The following MYO16 variants were observed in gnomAD, a reference collection of about 807,000 sequenced individuals.
MYO16 encodes the protein myosin XVI.
A neutral mutation model predicts 205.3 loss-of-function variants in MYO16; 94 were observed. The observed-to-expected ratio is 0.46, with a 90% CI of 0.39 to 0.54. MYO16 has a LOEUF of 0.54. MYO16 is among the 20% of genes least tolerant of loss of function. The pLI is 0.00. For synonymous variants in MYO16, 988 were observed against 954.0 expected, an observed-to-expected ratio of 1.04 and a Z score of -0.66; for missense variants, 2,315 against 2,387.5, an observed-to-expected ratio of 0.97 and a Z score of 0.63.
chr13:108,594,762 G>A (rs757652948), upstream of MYO16, among the ~76,000 whole-genome samples: 1 of 152,310 alleles, frequency 6.6e-6, no homozygotes, highest in Admixed American at 6.5e-5. Flanking sequence ...GTTGCTGAGC[G>A]AATGACAGGT....
In MYO16 at chr13:109,055,409, T is replaced by C. The variant is rs1001483714; in HGVS notation, c.3149T>C (p.Ile1050Thr). ...CCTTAGAAATCACTAATGGATATTA[T>C]TGGAAAACTTCAGAAGTGCACTCCA... ...SQLRKSLMDI[I>T]GKLQKCTPHF... The change falls in exon 27 of 35, where the codon ATT becomes ACT. Residue 1050 changes from isoleucine to threonine, a missense_variant. By Grantham distance (89) the Ile-to-Thr change is moderately conservative. Coordinates refer to ENST00000457511, the MANE Select transcript of MYO16 (RefSeq NM_001198950.3). This position sits in a 1 kb window ranked among gnomAD's most constrained non-coding sequence, Gnocchi z 5.0. The C allele has an allele frequency of 9.9e-6, 16 of 1,611,880 alleles. No individual in the cohort carries two copies. The African/African-American group carries it at 1.3e-4, about 13-fold the overall frequency.
intron 4 of MYO16, among the ~76,000 whole-genome samples, chr13:108,755,844 G>A (rs1885406600): frequency 6.6e-6 from 1 of 152,092 alleles, no homozygotes; most frequent in African/African-American, 2.4e-5. Context: ...AAAGTGCTAT[G>A]GGATAAAAAC....
chr13:108,999,611 G>A (rs2139457410), intron 21 of MYO16, among the ~76,000 whole-genome samples: 1 of 152,154 alleles, frequency 6.6e-6, no homozygotes, highest in East Asian at 1.9e-4. Context: ...CTGTTTTGGG[G>A]AAATAAAATG....
chr13:108,788,357 A>T (rs199564358), intron 5 of MYO16, among the ~76,000 whole-genome samples: 1 of 152,088 alleles, frequency 6.6e-6, no homozygotes, highest in East Asian at 1.9e-4. Context: ...GAGCTGATGG[A>T]GCATTTGATG....
At chr13:108,669,010 G>T (rs1202403336) in intron 2 of MYO16, among the ~76,000 whole-genome samples, 1 of 152,044 alleles carries the variant, frequency 6.6e-6, no homozygotes, top group African/African-American at 2.4e-5. Context: ...ATGAGATGGG[G>T]TGGCATCCTG....
At chr13:108,751,412 A>G (rs1341958994) in intron 4 of MYO16, among the ~76,000 whole-genome samples, 1 of 152,228 alleles carries the variant, frequency 6.6e-6, no homozygotes, top group Non-Finnish European at 1.5e-5. Context: ...GTATTGGATT[A>G]TTACTTAAAT....
chr13:108,619,530 CA>C (rs769488637), intron 1 of MYO16, among the ~76,000 whole-genome samples: 1 of 152,034 alleles, frequency 6.6e-6, no homozygotes, highest in Non-Finnish European at 1.5e-5. Context: ...AAGTAAACAT[CA>C]ATGTAGCAGC....
chr13:108,962,534 A>G (rs1475449466), intron 19 of MYO16, 39 bp downstream of exon 19: 1 of 1,378,638 alleles, frequency 7.3e-7, no homozygotes, highest in Non-Finnish European at 1.0e-6. Context: ...TGCAATTTAG[A>G]ATCAAATATG....
intron 27 of MYO16, chr13:109,065,438 A>C: frequency 2.6e-6 from 1 of 390,322 alleles, no homozygotes; most frequent in East Asian, 7.4e-5. Context: ...CGATATGTAT[A>C]TGTTAGTTTA....
intron 1 of MYO16, among the ~76,000 whole-genome samples, chr13:108,605,032 G>T (rs1878900614): frequency 6.6e-6 from 1 of 152,194 alleles, no homozygotes. Context: ...ATTATCAGTG[G>T]AGTGTTCTGT....
chr13:108,815,448 T>A (rs1307697462), intron 7 of MYO16, among the ~76,000 whole-genome samples: 1 of 152,120 alleles, frequency 6.6e-6, no homozygotes, highest in Admixed American at 6.6e-5. Context: ...AGTGTGACTG[T>A]GGAAAAATGG....
intron 1 of MYO16, among the ~76,000 whole-genome samples, chr13:108,632,032 C>T (rs1435360028): frequency 2.1e-5 from 3 of 145,560 alleles, no homozygotes; most frequent in Non-Finnish European, 4.5e-5. Flanking sequence ...GAGCTGAGAT[C>T]GCGCCATTGC....
intron 34 of MYO16, among the ~76,000 whole-genome samples, chr13:109,185,274 C>G (rs1879634781): frequency 1.3e-5 from 2 of 152,048 alleles, no homozygotes; most frequent in East Asian, 1.9e-4. Context: ...AAGAAAAGAA[C>G]TAGATAAGAA....
intron 20 of MYO16, among the ~76,000 whole-genome samples, chr13:108,991,728 T>C (rs112344268): frequency 8.6e-4 from 118 of 136,980 alleles, no homozygotes; most frequent in East Asian, 1.8e-3. Context: ...ACTCACTGCT[T>C]GCATAGCATG....
the MYO16 span, among the ~76,000 whole-genome samples, chr13:108,530,881 A>G: frequency 2.0e-5 from 3 of 152,188 alleles, no homozygotes; most frequent in Non-Finnish European, 4.4e-5. Flanking sequence ...TATCAACTCT[A>G]TCGTGAGAAA....
At chr13:109,167,275 T>G (rs1453314554) in intron 33 of MYO16, 1 of 152,060 alleles carries the variant, frequency 6.6e-6, no homozygotes, top group Non-Finnish European at 1.5e-5. Context: ...CACCAGCATC[T>G]CACAGGCTGA....
intron 16 of MYO16, among the ~76,000 whole-genome samples, chr13:108,956,902 A>G (rs1033571820): frequency 6.6e-6 from 1 of 152,054 alleles, no homozygotes; most frequent in Non-Finnish European, 1.5e-5. Context: ...GCTGCTTGGT[A>G]TTGCCTGTAT....
intron 1 of MYO16, among the ~76,000 whole-genome samples, 179 bp downstream of exon 1, chr13:108,630,051 A>G (rs1879905617): frequency 6.6e-6 from 1 of 152,082 alleles, no homozygotes; most frequent in African/African-American, 2.4e-5. Flanking sequence ...TTAGATTGTG[A>G]AATAATTCCA....
intron 11 of MYO16, among the ~76,000 whole-genome samples, chr13:108,858,242 G>A (rs1025825339): frequency 3.9e-5 from 6 of 152,118 alleles, no homozygotes; most frequent in Non-Finnish European, 7.4e-5. Context: ...TTTGAACTTC[G>A]TATGTCTTTT....
Sources: gnomAD v4.1 joint callset for allele counts (sites outside exome capture counted in the v4.1 genomes callset) on GRCh38, gnomAD v4.1.1 for gene constraint, Gnocchi (gnomAD v3.1) non-coding constraint, MANE v1.5 for transcripts, NCBI Gene and HGNC (gene_info 2026-07-23, HGNC 2026-07-21) for gene names.